Variants in TET3 observed in about 807,000 individuals in gnomAD.
The protein encoded by TET3 is methylcytosine dioxygenase TET3.
A neutral mutation model predicts 141.4 loss-of-function variants in TET3; 19 were observed. The ratio of observed to expected loss-of-function variants is 0.13; its 90% CI spans 0.09 to 0.20. The LOEUF (loss-of-function observed/expected upper bound fraction) is 0.20, where lower values mean the gene tolerates loss of function less well. Among genes scored for constraint, TET3 ranks in the 10% least tolerant of loss-of-function variants. The pLI is 1.00. For missense variants in TET3, 1,874 were observed against 2,356.9 expected, an observed-to-expected ratio of 0.80 and a Z score of 4.24; for synonymous variants, 1,043 against 980.9, an observed-to-expected ratio of 1.06 and a Z score of -1.18.
intron 5 of TET3, among the ~76,000 whole-genome samples, chr2:74,074,626 T>C (rs1379834081): frequency 6.6e-6 from 1 of 152,372 alleles, no homozygotes; most frequent in East Asian, 1.9e-4. Flanking sequence ...CACTCACTGC[T>C]GAGTCCCTAG....
chr2:74,003,866 G>A (rs935963132), intron 3 of TET3, among the ~76,000 whole-genome samples: 2 of 151,844 alleles, frequency 1.3e-5, no homozygotes, highest in Non-Finnish European at 2.9e-5. Context: ...GCGGGGAGCT[G>A]GGGTGTTTGA....
rs182086301 is a variant in TET3 at position 74,100,932 on chromosome 2, C to A, written c.4144C>A (p.Pro1382Thr). The change falls in exon 12 of 12, where the codon CCC becomes ACC. Residue 1382 changes from proline to threonine, a missense_variant. Pro to Thr is a conservative substitution (Grantham distance 38). This residue lies in a region of TET3 where 602 missense variants were observed against 590.2 expected (regional missense o/e 1.02). Coordinates refer to ENST00000409262, the MANE Select transcript of TET3 (RefSeq NM_001287491.2). Reference sequence around the variant, plus strand: ...CCTACTCCACTCAGTGTCCAGGGACCCCTCCCCCTTTGCCCAGAGCTCCAA... The same window carrying A: ...CCTACTCCACTCAGTGTCCAGGGACACCTCCCCCTTTGCCCAGAGCTCCAA... ...APLLHSVSRD[P>T]SPFAQSSNCY... 1.2e-5 allele frequency: 19 copies of A among 1,610,912 alleles called. No homozygotes were observed. The East Asian group carries it at 4.0e-4, about 34-fold the overall frequency.
At chr2:74,043,632 G>T (rs1159151678) in intron 3 of TET3, among the ~76,000 whole-genome samples, 1 of 152,210 alleles carries the variant, frequency 6.6e-6, no homozygotes, top group Non-Finnish European at 1.5e-5. Flanking sequence ...CAGGCAATGA[G>T]AACTGCGTGT....
At chr2:74,005,964 G>T (rs960302602) in intron 3 of TET3, among the ~76,000 whole-genome samples, 1 of 152,158 alleles carries the variant, frequency 6.6e-6, no homozygotes, top group Middle Eastern at 3.4e-3. Flanking sequence ...CTGCTTTCAA[G>T]GCTCCCACAC....
chr2:74,110,916 T>C (rs1691688491), downstream of TET3, among the ~76,000 whole-genome samples: 1 of 152,226 alleles, frequency 6.6e-6, no homozygotes, highest in Non-Finnish European at 1.5e-5. Context: ...CTGACCCTGC[T>C]GTGCCTCATA....
the TET3 span, chr2:74,123,168 AGAGTT>A: frequency 6.6e-6 from 1 of 152,250 alleles, no homozygotes; most frequent in African/African-American, 2.4e-5. Flanking sequence ...GAAGATGAAA[AGAGTT>A]AAGTCCCTAC....
At chr2:74,115,256 C>T in the TET3 span, among the ~76,000 whole-genome samples, 1 of 152,110 alleles carries the variant, frequency 6.6e-6, no homozygotes, top group Non-Finnish European at 1.5e-5. Flanking sequence ...AACATCTCAA[C>T]AGCAAAAAAA....
In TET3 at chr2:74,090,520, C is replaced by T. The variant is rs368218414; in HGVS notation, c.3039+473C>T. Among the ~76,000 whole-genome samples, 148 of 152,338 alleles carry T rather than the reference C, an allele frequency of 9.7e-4. 1 individual carries two copies. The South Asian group carries it at 0.012, about 12-fold the overall frequency. On this transcript the variant is annotated intron_variant, in intron 8 of 11. Coordinates refer to ENST00000409262, the MANE Select transcript of TET3 (RefSeq NM_001287491.2). The stretch of plus-strand genomic sequence containing the variant: ...CGGACAGATGTCTCTGGGCAGTCAT[C>T]CGGGCCCTTGCAGTCTCCATGCTGG...
chr2:74,131,105 A>C, the TET3 span, among the ~76,000 whole-genome samples: 1 of 152,122 alleles, frequency 6.6e-6, no homozygotes, highest in Non-Finnish European at 1.5e-5. Flanking sequence ...CCGTTCCCTC[A>C]CTAATGAGAC....
At chr2:74,025,762 G>A (rs1686312388) in intron 3 of TET3, among the ~76,000 whole-genome samples, 1 of 152,110 alleles carries the variant, frequency 6.6e-6, no homozygotes, top group Non-Finnish European at 1.5e-5. Flanking sequence ...GTTTGTTTAA[G>A]TCTCCTTTAA....
chr2:74,096,373 G>A (rs828869), intron 10 of TET3, among the ~76,000 whole-genome samples: 70,168 of 152,126 alleles, frequency 0.46, 19,628 homozygotes, highest in Non-Finnish European at 0.6. Flanking sequence ...TAAAGTTAGT[G>A]CCATAAAAAT....
chr2:74,092,985 G>A lies in TET3; in HGVS notation c.3123G>A (p.Gln1041=). 5 of 1,569,784 alleles carry A rather than the reference G, an allele frequency of 3.2e-6. No homozygotes were observed. The highest frequency in any genetic ancestry group is 4.3e-6 in the Non-Finnish European group (5 of 1,157,364). The change falls in exon 9 of 12, where the codon CAG becomes CAA. Residue 1041 remains glutamine (Q), a synonymous_variant. Coordinates refer to ENST00000409262, the MANE Select transcript of TET3 (RefSeq NM_001287491.2). ...LYKRLAPQAY[Q]NQVTNEEIAI... ...AGCGACTGGCCCCTCAGGCCTATCA[G>A]AACCAGGTAACGGGCCCTGGGCCTT...
In TET3 at chr2:74,015,123, G is replaced by A. The variant is rs528103420; in HGVS notation, c.360+11957G>A. 2.7e-4 allele frequency among the ~76,000 whole-genome samples: 41 copies of A among 152,264 alleles called. No individual in the cohort carries two copies. In the South Asian group the frequency reaches 7.7e-3, roughly 28 times the overall value. On this transcript the variant is annotated intron_variant, in intron 3 of 11. Transcript: ENST00000409262. ...AGAGGAATGACTTGGCCCAAGGGTC[G>A]CACCCAAGGGAGAAGGTGCAGTGCC...
In TET3 at chr2:74,048,148, C is replaced by T. The variant is rs1261236790; in HGVS notation, c.2231C>T (p.Ala744Val). 6.2e-7 allele frequency: 1 copy of T among 1,612,432 alleles called. No individual in the cohort carries two copies. The highest frequency in any genetic ancestry group is 8.5e-7 in the Non-Finnish European group (1 of 1,179,188). Residue 744 changes from alanine to valine, a missense_variant, in exon 4 of 12, where the codon GCC becomes GTC. By Grantham distance (64) the Ala-to-Val change is moderately conservative. This residue lies in a region of TET3 where 6 missense variants were observed against 16.4 expected (regional missense o/e 0.37). Transcript: ENST00000409262. ...GAGAACCAGCAAACATGTCTCCCAGCCCCTGAGAGCCCCTTTGCTACCCGT... is the reference window on the plus strand; with the variant it reads ...GAGAACCAGCAAACATGTCTCCCAGTCCCTGAGAGCCCCTTTGCTACCCGT... ...DPENQQTCLP[A>V]PESPFATRSP...
rs571056031 is a variant in TET3 at position 74,062,818 on chromosome 2, A to G, written c.2495-10731A>G. Among the ~76,000 whole-genome samples the G allele has an allele frequency of 2.6e-5, 4 of 151,988 alleles. No individual in the cohort carries two copies. The East Asian group carries it at 7.7e-4, about 29-fold the overall frequency. On this transcript the variant is annotated intron_variant, in intron 4 of 11. Coordinates refer to ENST00000409262, the MANE Select transcript of TET3 (RefSeq NM_001287491.2). ...CAAGAAGGTTAGTAAACCTTGTTTC[A>G]CTGTGAGAAAAAAGAGAACCGTATG... is the stretch of plus-strand genomic sequence containing the variant.
intron 3 of TET3, among the ~76,000 whole-genome samples, chr2:74,009,823 C>T (rs1685332755): frequency 6.6e-6 from 1 of 152,230 alleles, no homozygotes; most frequent in South Asian, 2.1e-4. Flanking sequence ...CCAGCCAGGA[C>T]AGCTGTCTAC....
At chr2:74,068,148 G>T (rs142513057) in intron 4 of TET3, among the ~76,000 whole-genome samples, 2 of 152,096 alleles carry the variant, frequency 1.3e-5, no homozygotes, top group Admixed American at 6.5e-5. Context: ...CAGGTCATCT[G>T]CCTGGCTGCA....
chr2:74,066,796 G>GT (rs1000044001), intron 4 of TET3, among the ~76,000 whole-genome samples: 15 of 152,148 alleles, frequency 9.9e-5, no homozygotes, highest in African/African-American at 3.4e-4. Context: ...CTAAGATTTA[G>GT]TTTGTGCCTT....
At chr2:73,989,627 C>T (rs985552761) in intron 2 of TET3, among the ~76,000 whole-genome samples, 10 of 149,468 alleles carry the variant, frequency 6.7e-5, no homozygotes, top group African/African-American at 2.6e-4. Flanking sequence ...ATGGGCCTTC[C>T]TGCCCTAGGA....
Sources: allele counts gnomAD v4.1 joint callset (sites outside exome capture counted in the v4.1 genomes callset), GRCh38; gene constraint gnomAD v4.1.1; regional missense constraint gnomAD v4.1.1; transcripts MANE v1.5; gene names NCBI Gene and HGNC (gene_info 2026-07-23, HGNC 2026-07-21).